The following DYSF variants were observed in gnomAD, a reference collection of about 807,000 sequenced individuals.
DYSF encodes the protein dystrophy-associated fer-1-like 1.
Under a neutral mutation model 274.9 loss-of-function variants are expected in DYSF, and 212 were observed. That is an observed-to-expected ratio of 0.77 (90% CI 0.69 to 0.86). The LOEUF is 0.86. DYSF is among the 40% of genes least tolerant of loss of function. The probability of loss-of-function intolerance (pLI) is 0.00; values close to 1 mark genes in which losing one functional copy is unlikely to be tolerated. For missense variants in DYSF, 2,666 were observed against 2,783.2 expected, an observed-to-expected ratio of 0.96 and a Z score of 0.95; for synonymous variants, 1,091 against 1,078.7, an observed-to-expected ratio of 1.01 and a Z score of -0.22.
rs369101508 is a variant in DYSF at position 71,657,931 on chromosome 2, C to T, written c.4756-947C>T. Among the ~76,000 whole-genome samples the T allele has an allele frequency of 5.3e-5, 8 of 152,328 alleles. No homozygotes were observed. The East Asian group carries it at 1.5e-3, about 29-fold the overall frequency. ...CATGGTCTTGGGGATTAACATTAGG[C>T]TCCTTGCTACTTATGCAAATTTCTG... On this transcript the variant is annotated intron_variant, in intron 43 of 55. Coordinates refer to ENST00000410020, the MANE Select transcript of DYSF (RefSeq NM_001130987.2).
chr2:71,475,163 A>T (rs1573351438), intron 1 of DYSF, among the ~76,000 whole-genome samples: 1 of 152,196 alleles, frequency 6.6e-6, no homozygotes, highest in Admixed American at 6.5e-5. Context: ...AAAGTGGTTC[A>T]GCCAGGACCC....
At chr2:71,575,982 A>C (rs1406166025) in intron 30 of DYSF, among the ~76,000 whole-genome samples, 1 of 152,208 alleles carries the variant, frequency 6.6e-6, no homozygotes, top group African/African-American at 2.4e-5. Context: ...AAGTCCTGCT[A>C]GATAAAGTAG....
intron 43 of DYSF, among the ~76,000 whole-genome samples, chr2:71,656,894 A>G (rs2094784809): frequency 6.6e-6 from 1 of 152,148 alleles, no homozygotes; most frequent in Admixed American, 6.5e-5. Context: ...TTTGAGTGGG[A>G]ATGCAGCCAA....
chr2:71,514,428 C>T (rs1388804909), intron 7 of DYSF, among the ~76,000 whole-genome samples: 2 of 152,154 alleles, frequency 1.3e-5, no homozygotes, highest in Non-Finnish European at 2.9e-5. Context: ...TATCCCCCTG[C>T]ATATAGCCAT....
chr2:71,641,062 C>A (rs900410845), intron 41 of DYSF, among the ~76,000 whole-genome samples: 1 of 152,032 alleles, frequency 6.6e-6, no homozygotes, highest in Non-Finnish European at 1.5e-5. Context: ...TCATTGGTTT[C>A]AGCCTCATAA....
At chr2:71,680,838 T>G (rs2095286686) in intron 53 of DYSF, among the ~76,000 whole-genome samples, 163 bp from the exon 54 acceptor site, 1 of 152,216 alleles carries the variant, frequency 6.6e-6, no homozygotes. Flanking sequence ...TTCTGAAGTT[T>G]CCAAATGTTT....
intron 17 of DYSF, among the ~76,000 whole-genome samples, chr2:71,549,759 G>A (rs2090792915): frequency 6.6e-6 from 1 of 152,100 alleles, no homozygotes; most frequent in South Asian, 2.1e-4. Context: ...GAGGCCAAGA[G>A]GAGTTAAAAA....
At chr2:71,466,628 G>C, upstream of DYSF, 1 of 1,283,924 alleles carries the variant, frequency 7.8e-7, no homozygotes, top group Non-Finnish European at 9.9e-7. Flanking sequence ...GATCTGGGTA[G>C]GGGCCGGAGG....
chr2:71,682,663 A>T lies in DYSF; in HGVS notation c.6307A>T (p.Ile2103Phe). Residue 2103 changes from isoleucine to phenylalanine, a missense_variant, in exon 55 of 56, where the codon ATC (isoleucine) becomes TTC (phenylalanine). By Grantham distance (21) the Ile-to-Phe change is conservative (BLOSUM62 0). Around this residue, in one of 3 missense-constraint regions of DYSF, gnomAD observed 1,460 missense variants for 1,502.1 expected, o/e 0.97. Coordinates refer to ENST00000410020, the MANE Select transcript of DYSF (RefSeq NM_001130987.2). ...CCTGCTGCTGTTCCTGGCCATCTTC[A>T]TCTACGCCTTCCCGGTGAGCAGGCC... ...FILLLFLAIFIYAFPNYAAMK... is the reference protein window; with the variant it reads ...FILLLFLAIFFYAFPNYAAMK... The T allele has an allele frequency of 6.2e-7, 1 of 1,613,962 alleles. No homozygotes were observed. The highest frequency in any genetic ancestry group is 8.5e-7 in the Non-Finnish European group (1 of 1,179,960).
rs150764978 is a variant in DYSF at position 71,638,353 on chromosome 2, C to T, written c.4528-5612C>T. Among the ~76,000 whole-genome samples, 813 of 103,344 alleles carry T rather than the reference C, an allele frequency of 7.9e-3. 7 individuals carry two copies. The highest frequency in any genetic ancestry group is 0.026 in the African/African-American group (791 of 30,216). 67.8% of individuals were successfully genotyped at this position (103,344 alleles called of 152,430 possible). On this transcript the variant is annotated intron_variant, in intron 41 of 55. Coordinates refer to ENST00000410020, the MANE Select transcript of DYSF (RefSeq NM_001130987.2). ...ACCGGAATCCATTTTAGAATATCCT[C>T]ATCACTGCAAAAAAAAAAAAAAAAA... is the stretch of plus-strand genomic sequence containing the variant.
At chr2:71,548,034 G>C (rs1375437732) in intron 17 of DYSF, among the ~76,000 whole-genome samples, 1 of 152,194 alleles carries the variant, frequency 6.6e-6, no homozygotes, top group African/African-American at 2.4e-5. Flanking sequence ...TGGCCCTCTC[G>C]CTGTTGCAGA....
chr2:71,455,378 A>G (rs2081017171), intron 1 of DYSF, among the ~76,000 whole-genome samples: 2 of 152,294 alleles, frequency 1.3e-5, no homozygotes, highest in Admixed American at 6.5e-5. Context: ...GTGTACACCA[A>G]GAGTGGGGAC....
chr2:71,524,543 G>A (rs2087643390), intron 12 of DYSF, among the ~76,000 whole-genome samples: 1 of 152,248 alleles, frequency 6.6e-6, no homozygotes, highest in African/African-American at 2.4e-5. Context: ...TCCTGAAGCA[G>A]GTTTCTACGT....
chr2:71,671,123 G>C (rs771417851), intron 51 of DYSF, among the ~76,000 whole-genome samples: 21 of 152,144 alleles, frequency 1.4e-4, no homozygotes, highest in Non-Finnish European at 2.5e-4. Flanking sequence ...CTGCACATTA[G>C]AGAAAGCAAA....
At position 71,571,493 on chromosome 2, in the gene DYSF, C is replaced by CAT. The variant is rs1451495186; in HGVS notation, c.3228+752_3228+753insAT. ...CAGCACACACACATCACACCCAGCA[C>CAT]GCACAGATCACACCCACCACACACA... On this transcript the variant is annotated intron_variant, in intron 29 of 55. Transcript: ENST00000410020. Among the ~76,000 whole-genome samples, 96 of 124,246 alleles carry CAT rather than the reference C, an allele frequency of 7.7e-4. 4 individuals are homozygous for CAT. Among genetic ancestry groups the CAT allele is most frequent in the African/African-American group, 1.6e-3 (41 of 26,446 alleles). 81.5% of individuals were successfully genotyped at this position (124,246 alleles called of 152,430 possible).
At chr2:71,624,096 G>A (rs1314849125) in intron 41 of DYSF, among the ~76,000 whole-genome samples, 1 of 152,066 alleles carries the variant, frequency 6.6e-6, no homozygotes, top group African/African-American at 2.4e-5. Context: ...AAACACAAAA[G>A]CCTTAAATTA....
In DYSF at chr2:71,598,570, A is replaced by C. The variant is rs750763703; in HGVS notation, c.3581A>C (p.Tyr1194Ser). Residue 1194 changes from tyrosine to serine, a missense_variant, in exon 33 of 56, where the codon TAT becomes TCT. Tyr to Ser is a moderately radical substitution (Grantham distance 144). Around this residue, in one of 3 missense-constraint regions of DYSF, gnomAD observed 1,460 missense variants for 1,502.1 expected, o/e 0.97. Transcript: ENST00000410020. The part of the protein sequence containing the change: ...AMDKDSFSDP[Y>S]AIVSFLHQSQ... Reference sequence around the variant, plus strand: ...CCCTCTCCGGCCCATGCAGATCCCTATGCCATCGTCTCCTTCCTGCACCAG... The same window carrying C: ...CCCTCTCCGGCCCATGCAGATCCCTCTGCCATCGTCTCCTTCCTGCACCAG... 1 of 1,614,130 alleles carries C rather than the reference A, an allele frequency of 6.2e-7. No individual in the cohort carries two copies. Among genetic ancestry groups the C allele is most frequent in the Admixed American group, 1.7e-5 (1 of 60,018 alleles).
chr2:71,550,344 C>T (rs2090840589), intron 17 of DYSF, among the ~76,000 whole-genome samples: 2 of 152,088 alleles, frequency 1.3e-5, no homozygotes, highest in Admixed American at 6.5e-5. Context: ...GAGATTTCCC[C>T]TCTTCAGGAG....
intron 4 of DYSF, among the ~76,000 whole-genome samples, chr2:71,506,054 G>A (rs1004032311): frequency 6.6e-6 from 1 of 152,220 alleles, no homozygotes; most frequent in Admixed American, 6.5e-5. Flanking sequence ...TTGTCTGAGG[G>A]AGAGGTTAGT....
Sources: allele counts gnomAD v4.1 joint callset (sites outside exome capture counted in the v4.1 genomes callset), GRCh38; gene constraint gnomAD v4.1.1; regional missense constraint gnomAD v4.1.1; transcripts MANE v1.5; gene names NCBI Gene and HGNC (gene_info 2026-07-23, HGNC 2026-07-21).